The following SCN11A variants were observed in gnomAD, a reference collection of about 807,000 sequenced individuals.
The protein encoded by SCN11A is sodium voltage-gated channel alpha subunit 11, also known as sodium channel protein type 11 subunit alpha.
Under a neutral mutation model 162.2 loss-of-function variants are expected in SCN11A, and 122 were observed. The observed-to-expected ratio is 0.75, with a 90% CI of 0.65 to 0.87. The LOEUF is 0.87. SCN11A is among the 40% of genes least tolerant of loss of function. The pLI is 0.00. For synonymous variants in SCN11A, 758 were observed against 751.5 expected (o/e 1.01, Z -0.14); for missense variants, 2,015 against 2,181.6 (o/e 0.92, Z 1.52).
At chr3:39,033,337 A>G (rs1400931094) in intron 1 of SCN11A, among the ~76,000 whole-genome samples, 2 of 151,984 alleles carry the variant, frequency 1.3e-5, no homozygotes, top group African/African-American at 4.8e-5. Context: ...ATTTTTGTTT[A>G]TTAGACATGT....
chr3:38,870,121 A>G (rs1326759098), intron 26 of SCN11A, among the ~76,000 whole-genome samples: 1 of 152,166 alleles, frequency 6.6e-6, no homozygotes, highest in Non-Finnish European at 1.5e-5. Context: ...CAACTTTCCA[A>G]GCTGGAAAAT....
intron 28 of SCN11A, among the ~76,000 whole-genome samples, chr3:38,852,234 G>A (rs1342791556): frequency 6.6e-6 from 1 of 152,138 alleles, no homozygotes; most frequent in Admixed American, 6.5e-5. Context: ...TGTGACTTTC[G>A]AACCATGTGC....
At chr3:38,862,363 T>C (rs1205105356) in intron 28 of SCN11A, among the ~76,000 whole-genome samples, 2 of 152,184 alleles carry the variant, frequency 1.3e-5, no homozygotes, top group African/African-American at 4.8e-5. Flanking sequence ...AGAACTACTA[T>C]TGGATTCAGC....
chr3:38,967,809 A>G (rs1047378477), intron 2 of SCN11A, among the ~76,000 whole-genome samples: 25 of 152,212 alleles, frequency 1.6e-4, no homozygotes, highest in African/African-American at 4.1e-4. Context: ...GGCTACTCAC[A>G]CATGTCAGTA....
intron 22 of SCN11A, among the ~76,000 whole-genome samples, chr3:38,881,099 G>A (rs937754744): frequency 6.6e-6 from 1 of 152,214 alleles, no homozygotes; most frequent in Non-Finnish European, 1.5e-5. Flanking sequence ...GTTTCTGGCT[G>A]AAGAAGGCCC....
chr3:38,981,126 T>G (rs541860443), intron 2 of SCN11A, among the ~76,000 whole-genome samples: 82 of 152,346 alleles, frequency 5.4e-4, no homozygotes, highest in African/African-American at 1.8e-3. Flanking sequence ...TGTCTGCATT[T>G]TCCACTAGTA....
intron 6 of SCN11A, 55 bp downstream of exon 6, chr3:38,946,734 G>T: frequency 1.8e-6 from 2 of 1,117,600 alleles, no homozygotes; most frequent in Non-Finnish European, 2.7e-6. Context: ...ACACCGTGGG[G>T]CACGTGCACT....
In SCN11A at chr3:39,039,525, T is replaced by A. The variant is rs73828796; in HGVS notation, c.-403-7022A>T. On this transcript the variant is annotated intron_variant, in intron 1 of 29. Transcript: ENST00000302328. Reference sequence around the variant, plus strand: ...CTGGGGCCCTGCGGTCATTCCACCATGCCCATACAGAAGACTGAGTGCCAG... The same window carrying A: ...CTGGGGCCCTGCGGTCATTCCACCAAGCCCATACAGAAGACTGAGTGCCAG... Among the ~76,000 whole-genome samples, 158 of 152,176 alleles carry A rather than the reference T, an allele frequency of 1.0e-3. 1 individual carries two copies. Among genetic ancestry groups the A allele is most frequent in the African/African-American group, 3.7e-3 (154 of 41,506 alleles).
At chr3:38,869,936 G>A (rs2065098300) in intron 26 of SCN11A, among the ~76,000 whole-genome samples, 2 of 152,146 alleles carry the variant, frequency 1.3e-5, no homozygotes, top group African/African-American at 2.4e-5. Context: ...GTCTGTACCA[G>A]CTCACAGGTA....
intron 1 of SCN11A, among the ~76,000 whole-genome samples, chr3:39,037,407 T>C (rs1217467252): frequency 6.6e-6 from 1 of 152,148 alleles, no homozygotes; most frequent in African/African-American, 2.4e-5. Context: ...TAAAACCTAG[T>C]ATTTGATAGC....
At chr3:38,986,702 G>A (rs561961767) in intron 2 of SCN11A, among the ~76,000 whole-genome samples, 2 of 152,230 alleles carry the variant, frequency 1.3e-5, no homozygotes, top group South Asian at 4.2e-4. Context: ...GATCAACCAT[G>A]TTGGAGAGGA....
chr3:38,894,914 T>C lies in SCN11A; in HGVS notation c.2454A>G (p.Glu818=). 4.3e-6 allele frequency: 7 copies of C among 1,614,066 alleles called. No homozygotes were observed. Among genetic ancestry groups the C allele is most frequent in the Non-Finnish European group, 5.9e-6 (7 of 1,179,966 alleles). ...ALLLNSFSNE[E]RNGNLEGEAR... ...CCTCTCCTTCTAAGTTTCCATTTCT[T>C]TCCTCATTGCTAAAGGAATTGAGCA... is the stretch of plus-strand genomic sequence containing the variant. Residue 818 remains glutamate (E), a synonymous_variant, in exon 19 of 30, where the codon GAA becomes GAG. Coordinates refer to ENST00000302328, the MANE Select transcript of SCN11A (RefSeq NM_001349253.2).
At chr3:38,935,028 C>A (rs2066307706) in intron 7 of SCN11A, among the ~76,000 whole-genome samples, 1 of 152,074 alleles carries the variant, frequency 6.6e-6, no homozygotes, top group Admixed American at 6.5e-5. Flanking sequence ...AACAAACTGT[C>A]TCTCGGACCA....
At chr3:38,932,835 T>C (rs1196943540) in intron 7 of SCN11A, among the ~76,000 whole-genome samples, 2 of 152,178 alleles carry the variant, frequency 1.3e-5, no homozygotes, top group East Asian at 3.9e-4. Context: ...TCTGCAGACT[T>C]AGATGTCCCT....
chr3:38,865,762 A>G (rs2065029506), intron 27 of SCN11A, among the ~76,000 whole-genome samples: 1 of 152,208 alleles, frequency 6.6e-6, no homozygotes, highest in Admixed American at 6.5e-5. Context: ...TAGACAAATG[A>G]TATAAATAAA....
At chr3:39,009,546 G>A (rs2031071311) in intron 2 of SCN11A, among the ~76,000 whole-genome samples, 1 of 150,386 alleles carries the variant, frequency 6.6e-6, no homozygotes, top group Non-Finnish European at 1.5e-5. Context: ...TTGAATTTTT[G>A]TTAGGTAGAC....
At chr3:38,870,641 A>G (rs760157482) in intron 26 of SCN11A, 50 bp downstream of exon 26, 3 of 1,488,664 alleles carry the variant, frequency 2.0e-6, no homozygotes. Context: ...TAGTCATGAT[A>G]TCTCTGACTT....
intron 2 of SCN11A, among the ~76,000 whole-genome samples, chr3:39,005,752 C>T (rs551638249): frequency 6.6e-6 from 1 of 152,312 alleles, no homozygotes; most frequent in Admixed American, 6.5e-5. Flanking sequence ...GGCATGTGCT[C>T]ACTCTGAGGC....
chr3:38,909,488 A>AAGAGAGATAG (rs2065855191), intron 12 of SCN11A, among the ~76,000 whole-genome samples: 1 of 152,136 alleles, frequency 6.6e-6, no homozygotes, highest in African/African-American at 2.4e-5. Context: ...GAGATAGGGC[A>AAGAGAGATAG]GTAGGGAATC....
Sources: allele counts gnomAD v4.1 joint callset (sites outside exome capture counted in the v4.1 genomes callset), GRCh38; gene constraint gnomAD v4.1.1; transcripts MANE v1.5; gene names NCBI Gene and HGNC (gene_info 2026-07-23, HGNC 2026-07-21).